Variants in SLC17A1 observed in about 807,000 individuals in gnomAD.
The protein encoded by SLC17A1 is sodium-dependent phosphate transport protein 1.
In SLC17A1, 51 loss-of-function variants were observed where a neutral mutation model predicts 53.5. That is an observed-to-expected ratio of 0.95 (90% CI 0.76 to 1.20). The LOEUF (loss-of-function observed/expected upper bound fraction) is 1.20. Among genes scored for constraint, SLC17A1 ranks in the 50% most tolerant of loss-of-function variants. The probability of loss-of-function intolerance (pLI) is 0.00; values close to 1 mark genes in which losing one functional copy is unlikely to be tolerated. For missense variants in SLC17A1, 538 were observed against 568.2 expected (o/e 0.95, Z 0.54); for synonymous variants, 179 against 198.8 (o/e 0.90, Z 0.84).
the SLC17A1 span, among the ~76,000 whole-genome samples, chr6:25,740,874 A>G: frequency 4.6e-5 from 7 of 152,226 alleles, no homozygotes; most frequent in Non-Finnish European, 7.3e-5. Context: ...CATTAGCAGC[A>G]ACGTGGGCGA....
the SLC17A1 span, among the ~76,000 whole-genome samples, chr6:25,760,033 A>G: frequency 1.3e-4 from 20 of 152,342 alleles, no homozygotes; most frequent in South Asian, 4.1e-3. Flanking sequence ...GTGAAGCAGC[A>G]ATACAAGTGG....
intron 10 of SLC17A1, among the ~76,000 whole-genome samples, chr6:25,809,209 G>T (rs1343240942): frequency 6.6e-6 from 1 of 151,990 alleles, no homozygotes; most frequent in African/African-American, 2.4e-5. Context: ...GTATACACAT[G>T]GACAGAGTGT....
At chr6:25,740,493 A>G in the SLC17A1 span, among the ~76,000 whole-genome samples, 4 of 152,212 alleles carry the variant, frequency 2.6e-5, no homozygotes, top group African/African-American at 9.6e-5. Context: ...TAGGAAAAGA[A>G]TAAATAACCG....
chr6:25,750,490 T>C, the SLC17A1 span, among the ~76,000 whole-genome samples: 1 of 152,180 alleles, frequency 6.6e-6, no homozygotes, highest in South Asian at 2.1e-4. Flanking sequence ...AAGATAAAAC[T>C]GAGAAATGAT....
chr6:25,757,057 A>G, the SLC17A1 span, among the ~76,000 whole-genome samples: 2 of 152,278 alleles, frequency 1.3e-5, no homozygotes, highest in African/African-American at 2.4e-5. Flanking sequence ...CCATTTGCCA[A>G]TGAGTATTTG....
chr6:25,764,430 A>G, the SLC17A1 span, among the ~76,000 whole-genome samples: 10 of 152,252 alleles, frequency 6.6e-5, no homozygotes, highest in Admixed American at 5.9e-4. Context: ...TCTGAAAGCC[A>G]TGGAAATGAA....
intron 10 of SLC17A1, among the ~76,000 whole-genome samples, chr6:25,803,373 T>C (rs1763850698): frequency 6.6e-6 from 1 of 152,054 alleles, no homozygotes; most frequent in Admixed American, 6.5e-5. Context: ...TTATTCTTGG[T>C]TGATTTTGCC....
At chr6:25,743,162 CTG>C in the SLC17A1 span, among the ~76,000 whole-genome samples, 1 of 152,142 alleles carries the variant, frequency 6.6e-6, no homozygotes, top group African/African-American at 2.4e-5. Flanking sequence ...GGTGAAAAAA[CTG>C]TGTATTGAGT....
intron 12 of SLC17A1, among the ~76,000 whole-genome samples, chr6:25,787,041 GAAATAAATAAATAAAT>G (rs3034353): frequency 1.3e-5 from 2 of 149,352 alleles, no homozygotes; most frequent in Non-Finnish European, 3.0e-5. Context: ...GCTTAACAAG[GAAATAAATAAATAAAT>G]AAATAAATAA....
chr6:25,791,325 A>G (rs925935569), intron 12 of SLC17A1, among the ~76,000 whole-genome samples: 14 of 152,228 alleles, frequency 9.2e-5, no homozygotes, highest in African/African-American at 3.4e-4. Context: ...AATATTTTCA[A>G]AAGTGAAAAT....
At chr6:25,743,320 T>C in the SLC17A1 span, among the ~76,000 whole-genome samples, 2 of 152,218 alleles carry the variant, frequency 1.3e-5, no homozygotes, top group South Asian at 4.1e-4. Context: ...GTATTTTGTA[T>C]TGGTAACATG....
chr6:25,830,226 C>A (rs1764897839), intron 2 of SLC17A1, among the ~76,000 whole-genome samples: 1 of 152,184 alleles, frequency 6.6e-6, no homozygotes, highest in South Asian at 2.1e-4. Context: ...AGATCTATCT[C>A]TCTTTCTCTT....
At position 25,811,698 on chromosome 6, in the gene SLC17A1, A is replaced by T. The variant is rs1262375915; in HGVS notation, c.970T>A (p.Phe324Ile). ...CTGAGAATATTCCTGGTCAGGAAGA[A>T]GTCTGATAACTGACCTGCTAGGTTA... ...CGNLAGQLSD[F>I]FLTRNILSVI... The change falls in exon 9 of 13, where the codon TTC (phenylalanine) becomes ATC (isoleucine). Residue 324 changes from phenylalanine (F) to isoleucine (I), a missense_variant. Coordinates refer to ENST00000244527, the MANE Select transcript of SLC17A1 (RefSeq NM_005074.5). 2.8e-5 allele frequency: 45 copies of T among 1,613,782 alleles called. No individual in the cohort carries two copies. The highest frequency in any genetic ancestry group is 3.6e-5 in the Non-Finnish European group (42 of 1,179,814).
chr6:25,781,618 C>A (rs750440031), downstream of SLC17A1, among the ~76,000 whole-genome samples: 20 of 152,126 alleles, frequency 1.3e-4, no homozygotes, highest in Non-Finnish European at 2.8e-4. Context: ...GGGCCTCAGG[C>A]AACTTCTGCT....
At chr6:25,743,525 T>C in the SLC17A1 span, among the ~76,000 whole-genome samples, 2 of 152,136 alleles carry the variant, frequency 1.3e-5, no homozygotes, top group African/African-American at 4.8e-5. Flanking sequence ...AAATCAAAAC[T>C]AGATGAAAGG....
chr6:25,778,513 C>T (rs761136218), downstream of SLC17A1, among the ~76,000 whole-genome samples: 1 of 152,134 alleles, frequency 6.6e-6, no homozygotes, highest in Non-Finnish European at 1.5e-5. Flanking sequence ...TTTCTCCTGT[C>T]ATTCAATGAC....
the SLC17A1 span, among the ~76,000 whole-genome samples, chr6:25,735,456 C>T: frequency 1.3e-5 from 2 of 152,260 alleles, no homozygotes; most frequent in East Asian, 1.9e-4. Flanking sequence ...AAAGACCAAA[C>T]AAGGGAACTG....
intron 10 of SLC17A1, among the ~76,000 whole-genome samples, chr6:25,807,343 T>C (rs1763993135): frequency 6.6e-6 from 1 of 152,142 alleles, no homozygotes; most frequent in African/African-American, 2.4e-5. Context: ...CACAATTGAA[T>C]ACCACTCAGC....
At chr6:25,813,250 G>C (rs781409925) in intron 6 of SLC17A1, 37 bp from the exon 7 acceptor site, 1 of 1,489,154 alleles carries the variant, frequency 6.7e-7, no homozygotes, top group Non-Finnish European at 9.4e-7. Context: ...GGAAGTCTCT[G>C]TTTGTAGTGG....
Sources: allele counts gnomAD v4.1 joint callset (sites outside exome capture counted in the v4.1 genomes callset), GRCh38; gene constraint gnomAD v4.1.1; transcripts MANE v1.5; gene names NCBI Gene and HGNC (gene_info 2026-07-23, HGNC 2026-07-21).